The following MTCL1 variants were observed in gnomAD, a reference collection of about 807,000 sequenced individuals.
MTCL1 encodes microtubule crosslinking factor 1, also known as microtubule cross-linking factor 1.
Under a neutral mutation model 141.4 loss-of-function variants are expected in MTCL1, and 79 were observed. The observed-to-expected ratio is 0.56, with a 90% CI of 0.47 to 0.67. The LOEUF (loss-of-function observed/expected upper bound fraction) is 0.67. MTCL1 is among the 30% of genes least tolerant of loss of function. The probability of loss-of-function intolerance (pLI) is 0.00; values close to 1 mark genes in which losing one functional copy is unlikely to be tolerated. For missense variants in MTCL1, 2,177 were observed against 2,113.9 expected (o/e 1.03, Z -0.59); for synonymous variants, 914 against 875.8 (o/e 1.04, Z -0.77).
chr18:8,728,717 A>ATTTTTT (rs1598410920), intron 4 of MTCL1, among the ~76,000 whole-genome samples: 3 of 68,050 alleles, frequency 4.4e-5, no homozygotes, highest in African/African-American at 1.9e-4. Context: ...TATGTTGTCC[A>ATTTTTT]TTCTTTTTTT....
At chr18:8,734,208 C>A (rs973969437) in intron 4 of MTCL1, among the ~76,000 whole-genome samples, 1 of 151,792 alleles carries the variant, frequency 6.6e-6, no homozygotes, top group Non-Finnish European at 1.5e-5. Flanking sequence ...CTGGTAGCAC[C>A]CCCCCTCCCC....
At chr18:8,829,408 T>C in intron 16 of MTCL1, 1 of 984,888 alleles carries the variant, frequency 1.0e-6, no homozygotes, top group Non-Finnish European at 1.2e-6. Context: ...GATAAGGCTT[T>C]TGTTTTTCAT....
upstream of MTCL1, among the ~76,000 whole-genome samples, chr18:8,713,859 C>T (rs1222615672): frequency 6.6e-6 from 1 of 152,200 alleles, no homozygotes; most frequent in Non-Finnish European, 1.5e-5. Flanking sequence ...AGGAAGATCA[C>T]TTGAGCCCAG....
chr18:8,784,822 G>A, exon 6 of MTCL1: 1 of 1,601,784 alleles, frequency 6.2e-7, no homozygotes, highest in African/African-American at 1.3e-5. Flanking sequence ...ACCTGGGGAA[G>A]GAGCTGGGCC....
chr18:8,744,891 G>A (rs1455207048), intron 4 of MTCL1, among the ~76,000 whole-genome samples: 2 of 152,184 alleles, frequency 1.3e-5, no homozygotes, highest in Non-Finnish European at 2.9e-5. Context: ...TGGCTCTGAC[G>A]ACTAGAGGCT....
exon 6 of MTCL1, chr18:8,783,865 G>A (rs376292956): frequency 8.2e-5 from 132 of 1,613,070 alleles, no homozygotes; most frequent in Non-Finnish European, 1.0e-4. Context: ...GGGAGGGCCC[G>A]GGTCGGGACC....
chr18:8,787,921 C>T lies in MTCL1; in HGVS notation c.1887+1830C>T, dbSNP rs568818. 8.5e-3 allele frequency among the ~76,000 whole-genome samples: 1,291 copies of T among 152,268 alleles called. 21 individuals are homozygous for T. Among genetic ancestry groups the T allele is most frequent in the African/African-American group, 0.029 (1,223 of 41,544 alleles). ...CAGAGCCTGGGTCGGGAGAGGCCGCCCTGTCCCTGGTGTGAATGTCACTCT... is the reference window on the plus strand; with the variant it reads ...CAGAGCCTGGGTCGGGAGAGGCCGCTCTGTCCCTGGTGTGAATGTCACTCT... On this transcript the variant is annotated intron_variant, in intron 7 of 16. Coordinates refer to ENST00000359865, the Ensembl canonical transcript of MTCL1.
At chr18:8,784,193 G>A (rs2096542416) in exon 6 of MTCL1, 5 of 1,613,634 alleles carry the variant, frequency 3.1e-6, no homozygotes, top group Non-Finnish European at 4.2e-6. Flanking sequence ...CGAGAACCAC[G>A]CGCTGCTGTC....
chr18:8,706,500 CG>C lies in MTCL1; in HGVS notation c.845del (p.Gly282AlafsTer73). 1.5e-6 allele frequency: 2 copies of C among 1,300,620 alleles called. No individual in the cohort carries two copies. The highest frequency in any genetic ancestry group is 2.3e-5 in the South Asian group (1 of 42,726). 80.6% of individuals were successfully genotyped at this position (1,300,620 alleles called of 1,614,324 possible). A position where few individuals can be genotyped will look rare whatever the true frequency, so the allele number is the denominator to read the frequency against. ...CGCCCCTCGCCGCGGGCGCCTGTCC[CG>C]GGGGCCGGAGCATCCCGAGCGGGGT... On this transcript the variant is annotated frameshift_variant, in exon 1 of 14. Coordinates refer to the MTCL1 transcript ENST00000306329. LOFTEE classifies it high-confidence loss of function.
intron 3 of MTCL1, 134 bp from the exon 3 acceptor site, chr18:8,720,204 G>T: frequency 1.3e-6 from 1 of 783,396 alleles, no homozygotes; most frequent in Non-Finnish European, 2.0e-6. Flanking sequence ...CAATAAGTCA[G>T]TTGTGTATTG....
intron 4 of MTCL1, among the ~76,000 whole-genome samples, chr18:8,728,420 T>C (rs2096230026): frequency 6.6e-6 from 1 of 152,202 alleles, no homozygotes; most frequent in Non-Finnish European, 1.5e-5. Flanking sequence ...CATTTTGCTG[T>C]AGAGAGGTCT....
chr18:8,786,252 C>G (rs766911380), intron 7 of MTCL1, 161 bp downstream of exon 6: 23 of 845,836 alleles, frequency 2.7e-5, no homozygotes, highest in Middle Eastern at 4.3e-4. Context: ...TTTTGTGGCA[C>G]TGGGACAGGC....
chr18:8,778,951 C>T (rs749238655), intron 5 of MTCL1, among the ~76,000 whole-genome samples: 1 of 152,180 alleles, frequency 6.6e-6, no homozygotes, highest in Non-Finnish European at 1.5e-5. Context: ...TCCTTGGGCG[C>T]GTGTCAGAAA....
Position 8,777,880 on chromosome 18 carries a change from A to G in MTCL1, c.405A>G (p.Lys135=), listed in dbSNP as rs1340771877. 9 of 1,613,696 alleles carry G rather than the reference A, an allele frequency of 5.6e-6. No individual in the cohort carries two copies. In the South Asian group the frequency reaches 8.8e-5, roughly 16 times the overall value. ...CTCGGGAAATGTACAAGGAGAAGAA[A>G]ACCTTTAACCAGGTAAGCAGAGGTT... Residue 135 remains lysine (K), a synonymous_variant, in exon 5 of 17, where the codon AAA becomes AAG. Coordinates refer to ENST00000359865, the Ensembl canonical transcript of MTCL1.
chr18:8,792,738 T>C (rs1357042267), intron 7 of MTCL1, among the ~76,000 whole-genome samples: 1 of 152,096 alleles, frequency 6.6e-6, no homozygotes. Flanking sequence ...GTGGTTATGG[T>C]GGTGGGTGAA....
chr18:8,705,828 C>T lies in MTCL1; in HGVS notation c.168C>T (p.Pro56=). The stretch of plus-strand genomic sequence containing the variant: ...TCCTCAAGGACCTGCACGCCCGGCC[C>T]GCCGCGCCCGGCCCGGCCGTCCCCT... The change falls in exon 1 of 14, where the codon CCC becomes CCT. Residue 56 remains proline (P), a synonymous_variant. Coordinates refer to the MTCL1 transcript ENST00000306329. The surrounding 1 kb of genome is among the most constrained non-coding windows in gnomAD (Gnocchi z 5.2). 3 of 1,178,884 alleles carry T rather than the reference C, an allele frequency of 2.5e-6. No individual in the cohort carries two copies. The highest frequency in any genetic ancestry group is 3.6e-5 in the East Asian group (1 of 27,722). The allele number at this position is 1,178,884 out of a possible 1,614,324, so 73.0% of individuals were successfully genotyped here. A position where few individuals can be genotyped will look rare whatever the true frequency, so the allele number is the denominator to read the frequency against.
intron 4 of MTCL1, among the ~76,000 whole-genome samples, chr18:8,767,469 G>A (rs1260471675): frequency 6.6e-6 from 1 of 152,124 alleles, no homozygotes; most frequent in African/African-American, 2.4e-5. Context: ...AGGCAATTAG[G>A]GTTTCAGAGT....
intron 10 of MTCL1, among the ~76,000 whole-genome samples, chr18:8,799,249 A>G (rs1468584409): frequency 6.6e-6 from 1 of 152,208 alleles, no homozygotes; most frequent in Non-Finnish European, 1.5e-5. Context: ...CTCTAATGGG[A>G]GCACGCTGTC....
intron 11 of MTCL1, among the ~76,000 whole-genome samples, chr18:8,808,065 C>A (rs936990847): frequency 1.3e-5 from 2 of 151,914 alleles, no homozygotes; most frequent in Admixed American, 6.6e-5. Flanking sequence ...TGCATTTCCA[C>A]CTGGCCACAG....
Sources: allele counts gnomAD v4.1 joint callset (sites outside exome capture counted in the v4.1 genomes callset), GRCh38; gene constraint gnomAD v4.1.1; non-coding constraint Gnocchi (gnomAD v3.1); transcripts MANE v1.5; gene names NCBI Gene and HGNC (gene_info 2026-07-23, HGNC 2026-07-21).